LRRTM4: variants seen among roughly 807,000 people sequenced by gnomAD.
The protein encoded by LRRTM4 is leucine rich repeat transmembrane neuronal 4, also known as leucine-rich repeat transmembrane neuronal protein 4.
Under a neutral mutation model 47.6 loss-of-function variants are expected in LRRTM4, and 25 were observed. That is an observed-to-expected ratio of 0.53 (90% confidence interval 0.38 to 0.73). The LOEUF (loss-of-function observed/expected upper bound fraction) is 0.73, where lower values mean the gene tolerates loss of function less well. Among genes scored for constraint, LRRTM4 ranks in the 30% least tolerant of loss-of-function variants. LRRTM4 has a pLI of 0.00. For missense variants in LRRTM4, 638 were observed against 713.4 expected, an observed-to-expected ratio of 0.89 and a Z score of 1.20; for synonymous variants, 311 against 269.5, an observed-to-expected ratio of 1.15 and a Z score of -1.51.
intron 3 of LRRTM4, among the ~76,000 whole-genome samples, chr2:77,044,886 T>A (rs957278605): frequency 6.6e-6 from 1 of 151,624 alleles, no homozygotes; most frequent in African/African-American, 2.4e-5. Context: ...TGTATACATA[T>A]ACATATATAT....
chr2:77,276,987 T>C (rs756895770), intron 3 of LRRTM4, among the ~76,000 whole-genome samples: 84 of 151,850 alleles, frequency 5.5e-4, no homozygotes, highest in Middle Eastern at 3.4e-3. Context: ...CTTGAGATAA[T>C]GGCTGTATAT....
At chr2:77,157,720 G>A (rs1026512842) in intron 3 of LRRTM4, among the ~76,000 whole-genome samples, 3 of 152,008 alleles carry the variant, frequency 2.0e-5, no homozygotes, top group Admixed American at 6.6e-5. Context: ...AGATATTTAT[G>A]TTTGTGATCC....
chr2:77,164,416 C>A (rs1035468761), intron 3 of LRRTM4, among the ~76,000 whole-genome samples: 2 of 152,146 alleles, frequency 1.3e-5, no homozygotes, highest in Non-Finnish European at 2.9e-5. Context: ...AGAAAGTTAA[C>A]AAGGATACCC....
chr2:77,410,359 C>T (rs990381682), intron 3 of LRRTM4, among the ~76,000 whole-genome samples: 1 of 152,042 alleles, frequency 6.6e-6, no homozygotes, highest in Non-Finnish European at 1.5e-5. Flanking sequence ...ACCTCCGTGC[C>T]CTGAAATAGC....
intron 3 of LRRTM4, among the ~76,000 whole-genome samples, chr2:76,820,898 G>A (rs950063724): frequency 7.4e-5 from 9 of 121,110 alleles, no homozygotes; most frequent in African/African-American, 1.6e-4. Context: ...CATTTCACCC[G>A]TTCTCTGGAG....
intron 3 of LRRTM4, among the ~76,000 whole-genome samples, chr2:77,404,683 C>T (rs980156715): frequency 6.6e-6 from 1 of 152,134 alleles, no homozygotes; most frequent in Non-Finnish European, 1.5e-5. Context: ...CAAGTGGAAT[C>T]AAGATATTTG....
rs1378933107 is a variant in LRRTM4 at position 77,123,275 on chromosome 2, G to A, written c.1552-374359C>T. Among the ~76,000 whole-genome samples, 3 of 149,744 alleles carry A rather than the reference G, an allele frequency of 2.0e-5. No homozygotes were observed. In the South Asian group the frequency reaches 6.3e-4, roughly 31 times the overall value. On this transcript the variant is annotated intron_variant, in intron 3 of 3. Transcript: ENST00000409884. ...AATTCATAATTCAGTCTTTTAACTT[G>A]AGTTTGGCATGCTTTTTATATCTTT...
intron 3 of LRRTM4, among the ~76,000 whole-genome samples, chr2:77,329,742 AG>A (rs1454486242): frequency 2.6e-5 from 4 of 152,226 alleles, no homozygotes; most frequent in Admixed American, 2.0e-4. Context: ...GGGAGTGGAC[AG>A]GATACTTATC....
intron 3 of LRRTM4, among the ~76,000 whole-genome samples, chr2:77,000,609 G>T (rs1677384770): frequency 6.6e-6 from 1 of 152,112 alleles, no homozygotes. Context: ...TGAAGTGGAA[G>T]GTATCTCTTT....
intron 3 of LRRTM4, among the ~76,000 whole-genome samples, chr2:77,325,890 T>C (rs1670754544): frequency 6.6e-6 from 1 of 152,176 alleles, no homozygotes; most frequent in African/African-American, 2.4e-5. Flanking sequence ...ATCCCAAATA[T>C]GGCACCTTGG....
chr2:76,858,327 C>G (rs1294375151), intron 3 of LRRTM4, among the ~76,000 whole-genome samples: 3 of 152,186 alleles, frequency 2.0e-5, no homozygotes, highest in Non-Finnish European at 2.9e-5. Flanking sequence ...CCACCTGACT[C>G]TTTTCAAACT....
intron 3 of LRRTM4, among the ~76,000 whole-genome samples, chr2:77,387,215 A>G (rs1283849551): frequency 6.6e-6 from 1 of 152,184 alleles, no homozygotes; most frequent in East Asian, 1.9e-4. Context: ...GTTAGATATG[A>G]TAATATTTGG....
intron 3 of LRRTM4, among the ~76,000 whole-genome samples, chr2:77,461,200 C>T (rs1487287627): frequency 6.6e-6 from 1 of 151,554 alleles, no homozygotes; most frequent in Admixed American, 6.6e-5. Context: ...GTCTTTTCCT[C>T]TGACTCAAAT....
Position 77,002,951 on chromosome 2 carries a change from C to A in LRRTM4, c.1552-254035G>T, listed in dbSNP as rs1055540565. 3.9e-5 allele frequency among the ~76,000 whole-genome samples: 6 copies of A among 151,978 alleles called. No individual in the cohort carries two copies. In the South Asian group the frequency reaches 6.2e-4, roughly 16 times the overall value. ...TGTTTGCTAGTTTTCTGGACCACAC[C>A]AATCATTTATGCTACACAGAGCAAG... On this transcript the variant is annotated intron_variant, in intron 3 of 3. Coordinates refer to ENST00000409884, the MANE Select transcript of LRRTM4 (RefSeq NM_001134745.3).
At chr2:76,924,771 G>GAC (rs144496696) in intron 3 of LRRTM4, among the ~76,000 whole-genome samples, 5 of 151,382 alleles carry the variant, frequency 3.3e-5, no homozygotes, top group African/African-American at 4.8e-5. Flanking sequence ...CACACACGCA[G>GAC]ACACACACAC....
chr2:77,098,266 C>T (rs779446331), intron 3 of LRRTM4, among the ~76,000 whole-genome samples: 71 of 151,904 alleles, frequency 4.7e-4, no homozygotes, highest in Admixed American at 1.4e-3. Flanking sequence ...CATCATTACA[C>T]CAGTGTGGTA....
At chr2:77,366,320 G>C (rs1404205885) in intron 3 of LRRTM4, among the ~76,000 whole-genome samples, 1 of 151,740 alleles carries the variant, frequency 6.6e-6, no homozygotes, top group African/African-American at 2.4e-5. Flanking sequence ...TCCAAGACAC[G>C]TTTTTGTCCC....
intron 3 of LRRTM4, among the ~76,000 whole-genome samples, chr2:77,289,543 C>T (rs762511598): frequency 5.9e-5 from 9 of 151,970 alleles, no homozygotes; most frequent in Non-Finnish European, 5.9e-5. Context: ...TATTTTATCT[C>T]ATGCCAATAA....
At chr2:77,184,403 T>A (rs552953158) in intron 3 of LRRTM4, among the ~76,000 whole-genome samples, 5 of 152,122 alleles carry the variant, frequency 3.3e-5, no homozygotes, top group Admixed American at 2.6e-4. Context: ...CCTACAAAAA[T>A]ACCCACAGAA....
Sources: allele counts gnomAD v4.1 joint callset (sites outside exome capture counted in the v4.1 genomes callset), GRCh38; gene constraint gnomAD v4.1.1; transcripts MANE v1.5; gene names NCBI Gene and HGNC (gene_info 2026-07-23, HGNC 2026-07-21).